Variants in POLRMT observed in about 807,000 individuals in gnomAD.
POLRMT encodes the protein RNA polymerase mitochondrial.
POLRMT carries 114 observed loss-of-function variants against 132.2 expected under a neutral mutation model. The observed-to-expected ratio is 0.86, with a 90% CI of 0.74 to 1.01. The LOEUF is 1.01. Ranked by LOEUF, POLRMT falls within the 50% of genes least tolerant of loss-of-function variation. POLRMT has a pLI of 0.00. For synonymous variants in POLRMT, 1,020 were observed against 773.4 expected (o/e 1.32, Z -5.29); for missense variants, 2,003 against 1,729.1 (o/e 1.16, Z -2.81).
rs761552363 is a variant in POLRMT, at chr19:620,505, G to C, written c.2641-18C>G. On this transcript the variant is annotated intron_variant, in intron 10 of 20. Transcript: ENST00000588649. ...TTTCGGCCCTGCGGGGACAGCGGAT[G>C]GGGGGCAGTGAGGCCCGGGCCCGAT... The C allele has an allele frequency of 6.4e-6, 10 of 1,553,232 alleles. 1 individual carries two copies. The highest frequency in any genetic ancestry group is 4.8e-5 in the South Asian group (4 of 82,476).
intron 3 of POLRMT, among the ~76,000 whole-genome samples, chr19:628,117 G>A (rs1456767089): frequency 1.3e-5 from 2 of 152,166 alleles, no homozygotes; most frequent in Non-Finnish European, 2.9e-5. Context: ...GGAACGCTGG[G>A]AGAGGCAGGA....
chr19:633,533 AC>A lies in POLRMT; in HGVS notation c.-22del. 6 of 657,028 alleles carry A rather than the reference AC, an allele frequency of 9.1e-6. No homozygotes were observed. The highest frequency in any genetic ancestry group is 7.5e-5 in the Admixed American group (2 of 26,560). The allele number at this position is 657,028 out of a possible 1,614,324, so 40.7% of individuals were successfully genotyped here. Reference sequence around the variant, plus strand: ...GACATTACGCACGCCGCTCCAGGCCACCCCACCGGCCCGCGCCTGCGCATGC... The same window carrying A: ...GACATTACGCACGCCGCTCCAGGCCACCCACCGGCCCGCGCCTGCGCATGC... On this transcript the variant is annotated 5_prime_UTR_variant, in exon 1 of 21. Transcript: ENST00000588649.
rs373781069 is a variant in POLRMT at position 633,374 on chromosome 19, G to A, written c.88+51C>T. Reference sequence around the variant, plus strand: ...GCCAAAGGCCCCGGCCGCGCGGGGAGGAGCCCACGCCGTGGCCCCCGGGCT... The same window carrying A: ...GCCAAAGGCCCCGGCCGCGCGGGGAAGAGCCCACGCCGTGGCCCCCGGGCT... On this transcript the variant is annotated intron_variant, in intron 1 of 20. Coordinates refer to ENST00000588649, the MANE Select transcript of POLRMT (RefSeq NM_005035.4). The A allele has an allele frequency of 5.5e-6, 8 of 1,443,342 alleles. No individual in the cohort carries two copies. In the African/African-American group the frequency reaches 6.0e-5, roughly 11 times the overall value. The allele number at this position is 1,443,342 out of a possible 1,614,324, so 89.4% of individuals were successfully genotyped here.
intron 10 of POLRMT, among the ~76,000 whole-genome samples, chr19:620,751 C>T (rs953756776): frequency 3.0e-5 from 3 of 99,974 alleles, no homozygotes; most frequent in African/African-American, 1.1e-4. Flanking sequence ...GACCTGGGGG[C>T]GCCGGGGGAG....
At chr19:617,519 G>A (rs756894795) in intron 19 of POLRMT, 39 bp from the exon 20 acceptor site, 1 of 1,064,306 alleles carries the variant, frequency 9.4e-7, no homozygotes, top group South Asian at 1.2e-5. Flanking sequence ...CTGAGGCCAG[G>A]TTTTGGGGTG....
Position 621,839 on chromosome 19 carries a change from A to T in POLRMT, c.1859T>A (p.Ile620Asn). The T allele has an allele frequency of 6.2e-7, 1 of 1,602,024 alleles. No homozygotes were observed. The highest frequency in any genetic ancestry group is 8.5e-7 in the Non-Finnish European group (1 of 1,179,784). The change falls in exon 10 of 21, where the codon ATC becomes AAC. Residue 620 changes from isoleucine to asparagine, a missense_variant. Ile to Asn is a moderately radical substitution (Grantham distance 149). Coordinates refer to ENST00000588649, the MANE Select transcript of POLRMT (RefSeq NM_005035.4). ...CACGTAGGCCGGGTGCGGCTTCAGGATGCCGATCTGGGGTGCGACAGGCAG... is the reference window on the plus strand; with the variant it reads ...CACGTAGGCCGGGTGCGGCTTCAGGTTGCCGATCTGGGGTGCGACAGGCAG... ...YSFRNVQQIGILKPHPAYVQL... is the reference protein window; with the variant it reads ...YSFRNVQQIGNLKPHPAYVQL...
At chr19:623,729 G>T in intron 5 of POLRMT, 126 bp from the exon 6 acceptor site, 2 of 1,148,006 alleles carry the variant, frequency 1.7e-6, no homozygotes, top group South Asian at 1.4e-5. Context: ...TATCGCTGAC[G>T]CGGGGAAAGG....
rs1477415918 is a variant in POLRMT, at chr19:617,771, G to A, written c.3495+6C>T. ...GGGTGGACTGAGGCTCAGACTACGG[G>A]GGCACCTGGTTCATGACGGAGACAT... On this transcript the variant is annotated splice_donor_region_variant and intron_variant, in intron 18 of 20. Transcript: ENST00000588649. The A allele has an allele frequency of 1.2e-6, 2 of 1,613,190 alleles. No individual in the cohort carries two copies. The highest frequency in any genetic ancestry group is 1.7e-6 in the Non-Finnish European group (2 of 1,179,838).
In POLRMT at chr19:622,279, T is replaced by A; in HGVS notation, c.1721A>T (p.Glu574Val). 6.4e-7 allele frequency: 1 copy of A among 1,564,176 alleles called. No homozygotes were observed. The highest frequency in any genetic ancestry group is 8.7e-7 in the Non-Finnish European group (1 of 1,155,464). Residue 574 changes from glutamate to valine, a missense_variant, in exon 9 of 21, where the codon GAG (glutamate) becomes GTG (valine). Physicochemically the swap from Glu to Val is moderately radical, Grantham distance 121 (BLOSUM62 -2). Transcript: ENST00000588649. ...CATCTCCGCCAGCAGCTTGCCCAGC[T>A]CCATCTGCACTGGCAGGGGCCAGGG... is the stretch of plus-strand genomic sequence containing the variant. ...EQPWPLPVQM[E>V]LGKLLAEMLV... is the part of the protein sequence containing the mutation.
At chr19:617,501 G>T (rs766441013) in intron 19 of POLRMT, 21 bp from the exon 20 acceptor site, 2 of 1,610,650 alleles carry the variant, frequency 1.2e-6, no homozygotes, top group Non-Finnish European at 1.7e-6. Flanking sequence ...AAGCAGGGTG[G>T]GGTGAGGCTG....
At chr19:631,468 T>C (rs2144707064) in intron 2 of POLRMT, among the ~76,000 whole-genome samples, 1 of 151,648 alleles carries the variant, frequency 6.6e-6, no homozygotes, top group East Asian at 2.0e-4. Flanking sequence ...TGAAACCCCG[T>C]CCCTACTAAA....
chr19:624,323 G>C (rs915187943), intron 5 of POLRMT, among the ~76,000 whole-genome samples: 2 of 152,226 alleles, frequency 1.3e-5, no homozygotes, highest in South Asian at 4.1e-4. Flanking sequence ...CTTCCTTTTA[G>C]GGTGATGGAA....
At chr19:617,886 C>T (rs112271909) in intron 17 of POLRMT, 37 bp from the exon 18 acceptor site, 2 of 1,591,006 alleles carry the variant, frequency 1.3e-6, no homozygotes, top group African/African-American at 1.3e-5. Flanking sequence ...GGGAGGGGAG[C>T]TCACAGGGCC....
rs1231779390 is a variant in POLRMT at position 622,899 on chromosome 19, C to A, written c.1377G>T (p.Glu459Asp). The A allele has an allele frequency of 2.5e-6, 4 of 1,612,350 alleles. No individual in the cohort carries two copies. In the South Asian group the frequency reaches 4.4e-5, roughly 18 times the overall value. The change falls in exon 7 of 21, where the codon GAG (glutamate) becomes GAT (aspartate). Residue 459 changes from glutamate to aspartate, a missense_variant. Physicochemically the swap from Glu to Asp is conservative, Grantham distance 45. Coordinates refer to ENST00000588649, the MANE Select transcript of POLRMT (RefSeq NM_005035.4). ...LRETKNRLER[E>D]VYEGRFSLYP... Reference sequence around the variant, plus strand: ...AAAGTGAGAACCGGCCCTCGTACACCTCGCGCTCTAGGCGGTTCTTGGTCT... The same window carrying A: ...AAAGTGAGAACCGGCCCTCGTACACATCGCGCTCTAGGCGGTTCTTGGTCT...
intron 9 of POLRMT, 127 bp from the exon 10 acceptor site, chr19:621,973 G>A (rs1322396415): frequency 3.9e-6 from 5 of 1,270,994 alleles, no homozygotes; most frequent in Non-Finnish European, 4.3e-6. Flanking sequence ...CCCACGAACA[G>A]AAGCCACCTC....
Position 620,076 on chromosome 19 carries a change from C to T in POLRMT, c.2768G>A (p.Gly923Asp). 1 of 1,541,312 alleles carries T rather than the reference C, an allele frequency of 6.5e-7. No homozygotes were observed. The highest frequency in any genetic ancestry group is 8.7e-7 in the Non-Finnish European group (1 of 1,148,242). The change falls in exon 12 of 21, where the codon GGC becomes GAC. Residue 923 changes from glycine to aspartate, a missense_variant. By Grantham distance (94) the Gly-to-Asp change is moderately conservative. Coordinates refer to ENST00000588649, the MANE Select transcript of POLRMT (RefSeq NM_005035.4). ...ATAATGCTGCAGGCCGTTGCAAGAG[C>T]CGTCCTGAGGAAGGGGCGGCAAACG... ...YVSHLPVHQD[G>D]SCNGLQHYAA... is the part of the protein sequence containing the mutation.
At chr19:620,511 C>A in intron 10 of POLRMT, 24 bp from the exon 11 acceptor site, 1 of 1,542,098 alleles carries the variant, frequency 6.5e-7, no homozygotes, top group Non-Finnish European at 8.8e-7. Context: ...GGATGGGGGG[C>A]AGTGAGGCCC....
At chr19:624,286 TGGGGAGTGAC>T (rs909023220) in intron 5 of POLRMT, among the ~76,000 whole-genome samples, 7 of 152,134 alleles carry the variant, frequency 4.6e-5, no homozygotes, top group African/African-American at 1.7e-4. Context: ...GGGGAGGGGA[TGGGGAGTGAC>T]GGGGATGGGG....
At position 621,158 on chromosome 19, in the gene POLRMT, T is replaced by C. The variant is rs1984548595; in HGVS notation, c.2540A>G (p.Asn847Ser). 3 of 1,610,860 alleles carry C rather than the reference T, an allele frequency of 1.9e-6. No homozygotes were observed. Among genetic ancestry groups the C allele is most frequent in the Non-Finnish European group, 1.7e-6 (2 of 1,178,704 alleles). Residue 847 changes from asparagine to serine, a missense_variant, in exon 10 of 21, where the codon AAT becomes AGT. By Grantham distance (46) the Asn-to-Ser change is conservative (BLOSUM62 1). Transcript: ENST00000588649. ...CTCCCGCTTCTTCAACCCCGTGAGA[T>C]TGACCAGGTGGATCTTGAGCCAATC... ...GLDWLKIHLV[N>S]LTGLKKREPL...
Sources: gnomAD v4.1 joint callset for allele counts (sites outside exome capture counted in the v4.1 genomes callset) on GRCh38, gnomAD v4.1.1 for gene constraint, MANE v1.5 for transcripts, NCBI Gene and HGNC (gene_info 2026-07-23, HGNC 2026-07-21) for gene names.